Variants in ADAMTS16 observed in about 807,000 individuals in gnomAD.
The protein encoded by ADAMTS16 is A disintegrin and metalloproteinase with thrombospondin motifs 16.
A neutral mutation model predicts 145.8 loss-of-function variants in ADAMTS16; 94 were observed. That is an observed-to-expected ratio of 0.64 (90% confidence interval 0.55 to 0.77). The LOEUF (loss-of-function observed/expected upper bound fraction) is 0.77, where lower values mean the gene tolerates loss of function less well. Among genes scored for constraint, ADAMTS16 ranks in the 30% least tolerant of loss-of-function variants. The pLI, the probability that ADAMTS16 is intolerant of heterozygous loss-of-function variation, is 0.00. For missense variants in ADAMTS16, 1,585 were observed against 1,591.5 expected, an observed-to-expected ratio of 1.00 and a Z score of 0.07; for synonymous variants, 659 against 604.3, an observed-to-expected ratio of 1.09 and a Z score of -1.33.
chr5:5,191,667 G>C lies in ADAMTS16; in HGVS notation c.1208-18G>C, dbSNP rs906428585. On this transcript the variant is annotated intron_variant, in intron 7 of 22. Transcript: ENST00000274181. ...TTACAACACCGCTATGTGTTCTTTTGATCTTTGTCCTTCACAGGATTTGCA... is the reference window on the plus strand; with the variant it reads ...TTACAACACCGCTATGTGTTCTTTTCATCTTTGTCCTTCACAGGATTTGCA... The C allele has an allele frequency of 6.3e-7, 1 of 1,592,196 alleles. No homozygotes were observed. Among genetic ancestry groups the C allele is most frequent in the African/African-American group, 1.3e-5 (1 of 74,508 alleles).
intron 11 of ADAMTS16, among the ~76,000 whole-genome samples, chr5:5,230,089 T>C (rs967906451): frequency 5.3e-5 from 8 of 152,124 alleles, no homozygotes; most frequent in African/African-American, 1.7e-4. Flanking sequence ...TTAGATCCAA[T>C]TGCCTGATTA....
At chr5:5,159,753 A>G (rs1261886092) in intron 3 of ADAMTS16, among the ~76,000 whole-genome samples, 1 of 152,248 alleles carries the variant, frequency 6.6e-6, no homozygotes, top group African/African-American at 2.4e-5. Context: ...CAAGCTATTT[A>G]AAATGTGAGA....
At chr5:5,300,343 T>A (rs1315879359) in intron 18 of ADAMTS16, among the ~76,000 whole-genome samples, 2 of 152,048 alleles carry the variant, frequency 1.3e-5, no homozygotes, top group Non-Finnish European at 2.9e-5. Flanking sequence ...AGAATCAATT[T>A]TTCATAATGA....
At chr5:5,218,308 A>C in intron 10 of ADAMTS16, among the ~76,000 whole-genome samples, 1 of 152,230 alleles carries the variant, frequency 6.6e-6, no homozygotes, top group Middle Eastern at 3.2e-3. Context: ...ATACTGAAAC[A>C]GAAGAGTTCC....
At chr5:5,185,039 T>C (rs996559706) in intron 4 of ADAMTS16, among the ~76,000 whole-genome samples, 4 of 152,106 alleles carry the variant, frequency 2.6e-5, no homozygotes, top group African/African-American at 9.7e-5. Context: ...CAGCCTGGGG[T>C]ACAGACTGCA....
chr5:5,188,445 A>G (rs1207894879), intron 6 of ADAMTS16, among the ~76,000 whole-genome samples: 4 of 152,194 alleles, frequency 2.6e-5, no homozygotes, highest in Non-Finnish European at 1.5e-5. Flanking sequence ...CTTCACAGAA[A>G]GGATGGACAT....
At chr5:5,220,405 G>A (rs976788256) in intron 10 of ADAMTS16, among the ~76,000 whole-genome samples, 5 of 151,402 alleles carry the variant, frequency 3.3e-5, no homozygotes, top group South Asian at 2.1e-4. Flanking sequence ...TGATCCGCCC[G>A]CCTCGGCCTC....
In ADAMTS16 at chr5:5,292,652, G is replaced by A. The variant is rs1005813351; in HGVS notation, c.2790-10616G>A. Among the ~76,000 whole-genome samples, 123 of 152,076 alleles carry A rather than the reference G, an allele frequency of 8.1e-4. 2 individuals carry two copies. Among genetic ancestry groups the A allele is most frequent in the Non-Finnish European group, 1.6e-3 (106 of 67,994 alleles). ...GCCCAAATGCCGTCGTGTGGCCTCC[G>A]TGACCCTCCAGGACCTGCCACTGCC... On this transcript the variant is annotated intron_variant, in intron 18 of 22. Coordinates refer to ENST00000274181, the MANE Select transcript of ADAMTS16 (RefSeq NM_139056.4).
At chr5:5,200,314 A>G (rs1437765628) in intron 9 of ADAMTS16, 45 bp downstream of exon 9, 2 of 1,608,942 alleles carry the variant, frequency 1.2e-6, no homozygotes, top group East Asian at 2.2e-5. Flanking sequence ...GGGGCCTTTG[A>G]TGCTCACTGC....
chr5:5,277,646 C>T (rs1738755174), intron 18 of ADAMTS16, among the ~76,000 whole-genome samples: 2 of 152,108 alleles, frequency 1.3e-5, no homozygotes, highest in Non-Finnish European at 2.9e-5. Flanking sequence ...AGGGCTTTTT[C>T]ATTGTTTTGA....
chr5:5,262,799 T>C lies in ADAMTS16; in HGVS notation c.2789+16T>C. Reference sequence around the variant, plus strand: ...GTCCTCCCAGGTAAGAAGCATCGCGTTCATCAAAGCAGGTTTCCCAGTTTG... The same window carrying C: ...GTCCTCCCAGGTAAGAAGCATCGCGCTCATCAAAGCAGGTTTCCCAGTTTG... On this transcript the variant is annotated intron_variant, in intron 18 of 22. Transcript: ENST00000274181. 3.1e-6 allele frequency: 5 copies of C among 1,612,432 alleles called. No individual in the cohort carries two copies. The highest frequency in any genetic ancestry group is 4.2e-6 in the Non-Finnish European group (5 of 1,179,538).
chr5:5,231,912 T>A (rs1736936608), intron 11 of ADAMTS16, among the ~76,000 whole-genome samples: 1 of 152,154 alleles, frequency 6.6e-6, no homozygotes, highest in Non-Finnish European at 1.5e-5. Flanking sequence ...GCACAGACTA[T>A]GGGCCTGAAA....
At chr5:5,267,431 C>G (rs565816016) in intron 18 of ADAMTS16, among the ~76,000 whole-genome samples, 1 of 152,202 alleles carries the variant, frequency 6.6e-6, no homozygotes, top group South Asian at 2.1e-4. Context: ...GGCGGTAGCT[C>G]TCAGCGAGGT....
chr5:5,241,721 C>A (rs551954823), intron 16 of ADAMTS16, among the ~76,000 whole-genome samples: 1 of 152,222 alleles, frequency 6.6e-6, no homozygotes, highest in Admixed American at 6.5e-5. Context: ...TCACATATAC[C>A]CCCAAAATAT....
intron 18 of ADAMTS16, among the ~76,000 whole-genome samples, chr5:5,268,645 T>C (rs1738349023): frequency 6.6e-6 from 1 of 152,176 alleles, no homozygotes; most frequent in Non-Finnish European, 1.5e-5. Context: ...CGCTGCCCCA[T>C]ACACTGCATA....
rs538518127 is a variant in ADAMTS16 at position 5,170,404 on chromosome 5, A to AG, written c.502-11639dup. Among the ~76,000 whole-genome samples, 1,001 of 151,980 alleles carry AG rather than the reference A, an allele frequency of 6.6e-3. 17 individuals are homozygous for AG. Among genetic ancestry groups the AG allele is most frequent in the Non-Finnish European group, 8.4e-3 (570 of 67,978 alleles). On this transcript the variant is annotated intron_variant, in intron 3 of 22. Transcript: ENST00000274181. ...TATTTATTTATTTATTTAGAGACAG[A>AG]GTCTCACTCTGTCACCCAGGCTGGA...
chr5:5,306,762 G>C (rs1330872875), intron 21 of ADAMTS16, 34 bp downstream of exon 21: 1 of 1,543,946 alleles, frequency 6.5e-7, no homozygotes, highest in East Asian at 2.4e-5. Flanking sequence ...GAGAGTGGGC[G>C]AGCACAGCTT....
rs184006719 is a variant in ADAMTS16, at chr5:5,180,913, G to C, written c.502-1131G>C. Among the ~76,000 whole-genome samples, 64 of 152,148 alleles carry C rather than the reference G, an allele frequency of 4.2e-4. No homozygotes were observed. In the East Asian group the frequency reaches 0.011, roughly 27 times the overall value. The stretch of plus-strand genomic sequence containing the variant: ...AATAGGTATTACGTAGAAAATATGG[G>C]CCACAGCTTCAGAAACTTAAAAAAA... On this transcript the variant is annotated intron_variant, in intron 3 of 22. Coordinates refer to ENST00000274181, the MANE Select transcript of ADAMTS16 (RefSeq NM_139056.4).
chr5:5,245,839 T>G (rs1323832124), intron 17 of ADAMTS16, among the ~76,000 whole-genome samples: 1 of 152,216 alleles, frequency 6.6e-6, no homozygotes, highest in Non-Finnish European at 1.5e-5. Flanking sequence ...TCTTCTTCCC[T>G]TTTGACAGTT....
Sources: gnomAD v4.1 joint callset for allele counts (sites outside exome capture counted in the v4.1 genomes callset) on GRCh38, gnomAD v4.1.1 for gene constraint, MANE v1.5 for transcripts, NCBI Gene and HGNC (gene_info 2026-07-23, HGNC 2026-07-21) for gene names.